ENTHD1: variants seen among roughly 807,000 people sequenced by gnomAD.
ENTHD1 encodes ENTH domain containing 1.
ENTHD1 carries 23 observed loss-of-function variants against 39.1 expected under a neutral mutation model. The observed-to-expected ratio is 0.59, with a 90% confidence interval of 0.42 to 0.83. The LOEUF (loss-of-function observed/expected upper bound fraction) is 0.83. Ranked by LOEUF, ENTHD1 falls within the 40% of genes least tolerant of loss-of-function variation. The probability of loss-of-function intolerance (pLI) is 0.00; values close to 1 mark genes in which losing one functional copy is unlikely to be tolerated. For synonymous variants in ENTHD1, 230 were observed against 258.2 expected (o/e 0.89, Z 1.05); for missense variants, 624 against 705.4 (o/e 0.88, Z 1.31).
At chr22:39,861,026 T>C (rs1435251170) in intron 3 of ENTHD1, among the ~76,000 whole-genome samples, 1 of 152,220 alleles carries the variant, frequency 6.6e-6, no homozygotes, top group Non-Finnish European at 1.5e-5. Flanking sequence ...AAGCATACTT[T>C]AGAAAATTTC....
intron 5 of ENTHD1, among the ~76,000 whole-genome samples, chr22:39,809,672 A>G (rs188268976): frequency 5.5e-4 from 84 of 152,268 alleles, no homozygotes; most frequent in African/African-American, 2.0e-3. Context: ...TAAAAAGCAT[A>G]CTTTGATGGG....
chr22:39,891,927 A>G (rs549746470), intron 1 of ENTHD1, among the ~76,000 whole-genome samples: 18 of 152,070 alleles, frequency 1.2e-4, no homozygotes, highest in South Asian at 2.1e-4. Context: ...GCCTCAAAAA[A>G]AATTTTTTTT....
chr22:39,780,878 A>T (rs2065404175), intron 5 of ENTHD1, among the ~76,000 whole-genome samples: 1 of 152,124 alleles, frequency 6.6e-6, no homozygotes, highest in South Asian at 2.1e-4. Flanking sequence ...GGGCACCCGT[A>T]GTCCCAGCTA....
intron 2 of ENTHD1, among the ~76,000 whole-genome samples, chr22:39,865,159 C>G (rs938409683): frequency 2.6e-5 from 4 of 151,932 alleles, no homozygotes; most frequent in African/African-American, 9.7e-5. Context: ...TTGAGGACAG[C>G]TGCAATAGTT....
At chr22:39,799,924 G>C (rs1480975734) in intron 5 of ENTHD1, among the ~76,000 whole-genome samples, 1 of 152,216 alleles carries the variant, frequency 6.6e-6, no homozygotes, top group Non-Finnish European at 1.5e-5. Flanking sequence ...TGCAGGGGCT[G>C]TTAGGTCCCA....
chr22:39,745,613 G>T lies in ENTHD1; in HGVS notation c.1220-1330C>A, dbSNP rs187690908. On this transcript the variant is annotated intron_variant, in intron 6 of 6. Coordinates refer to ENST00000325157, the MANE Select transcript of ENTHD1 (RefSeq NM_152512.4). ...GAAAGCAGGAACTTCATCAGCACAT[G>T]GTCAAGAAAAGCCAAGAACAGTTAG... is the stretch of plus-strand genomic sequence containing the variant. Among the ~76,000 whole-genome samples the T allele has an allele frequency of 4.9e-4, 75 of 152,258 alleles. No individual in the cohort carries two copies. The Middle Eastern group carries it at 0.024, about 48-fold the overall frequency.
intron 2 of ENTHD1, chr22:39,875,482 G>T: frequency 6.4e-7 from 1 of 1,562,730 alleles, no homozygotes; most frequent in Non-Finnish European, 8.6e-7. Flanking sequence ...GCCGGCCTTT[G>T]GTCGCCTCCG....
At chr22:39,856,547 T>C (rs1313946585) in intron 3 of ENTHD1, among the ~76,000 whole-genome samples, 1 of 152,152 alleles carries the variant, frequency 6.6e-6, no homozygotes, top group Admixed American at 6.5e-5. Context: ...AGATTTTACA[T>C]CCAAACATTC....
At chr22:39,842,854 A>G (rs1045427196) in intron 3 of ENTHD1, among the ~76,000 whole-genome samples, 24 of 148,700 alleles carry the variant, frequency 1.6e-4, no homozygotes, top group Non-Finnish European at 2.7e-4. Context: ...AAAACACATG[A>G]AAAAATGCTC....
intron 5 of ENTHD1, 22 bp from the exon 6 acceptor site, chr22:39,765,631 C>T: frequency 1.9e-6 from 3 of 1,553,052 alleles, no homozygotes; most frequent in Non-Finnish European, 2.6e-6. Flanking sequence ...CAAATAAGAG[C>T]TATAATCAAA....
chr22:39,833,941 CA>C lies in ENTHD1; in HGVS notation c.711+1898del, dbSNP rs59299623. On this transcript the variant is annotated intron_variant, in intron 4 of 6. Coordinates refer to ENST00000325157, the MANE Select transcript of ENTHD1 (RefSeq NM_152512.4). ...GTTGAAACAACTGGATATACTTGGGCAAAAAAAAAAAAAAAAAAAAAAATTA... is the reference window on the plus strand; with the variant it reads ...GTTGAAACAACTGGATATACTTGGGCAAAAAAAAAAAAAAAAAAAAAATTA... 3.8e-3 allele frequency among the ~76,000 whole-genome samples: 453 copies of C among 117,910 alleles called. 4 individuals carry two copies. Among genetic ancestry groups the C allele is most frequent in the African/African-American group, 0.015 (418 of 27,074 alleles). 77.4% of individuals were successfully genotyped at this position (117,910 alleles called of 152,430 possible). A position where few individuals can be genotyped will look rare whatever the true frequency, so the allele number is the denominator to read the frequency against.
At chr22:39,746,219 C>T (rs1034414261) in intron 6 of ENTHD1, among the ~76,000 whole-genome samples, 1 of 152,138 alleles carries the variant, frequency 6.6e-6, no homozygotes, top group African/African-American at 2.4e-5. Flanking sequence ...CATCTTTCTG[C>T]TTTACTTCAA....
At chr22:39,862,967 G>A (rs1048007473) in intron 2 of ENTHD1, among the ~76,000 whole-genome samples, 6 of 152,028 alleles carry the variant, frequency 3.9e-5, no homozygotes, top group Non-Finnish European at 7.4e-5. Context: ...ATCGCCTTTC[G>A]GACCTTCTGT....
At chr22:39,840,199 T>C (rs1268447842) in intron 3 of ENTHD1, among the ~76,000 whole-genome samples, 2 of 152,322 alleles carry the variant, frequency 1.3e-5, no homozygotes, top group Middle Eastern at 3.4e-3. Context: ...CAGTGAAGAC[T>C]AGTATGTGAA....
chr22:39,793,732 A>G (rs933701834), intron 5 of ENTHD1, among the ~76,000 whole-genome samples: 4 of 152,164 alleles, frequency 2.6e-5, no homozygotes, highest in Admixed American at 6.5e-5. Context: ...TCTCCAGTGT[A>G]TATTCTTGGC....
chr22:39,842,345 T>G (rs1018057415), intron 3 of ENTHD1, among the ~76,000 whole-genome samples: 1 of 152,164 alleles, frequency 6.6e-6, no homozygotes, highest in African/African-American at 2.4e-5. Flanking sequence ...CCAACTTGGT[T>G]CCATTCTCCC....
intron 5 of ENTHD1, among the ~76,000 whole-genome samples, chr22:39,787,349 G>A (rs192998145): frequency 6.6e-6 from 1 of 152,226 alleles, no homozygotes; most frequent in Non-Finnish European, 1.5e-5. Context: ...TGGTCTCTAA[G>A]TATTCAAGTG....
chr22:39,865,033 A>C (rs762912428), intron 2 of ENTHD1, among the ~76,000 whole-genome samples: 17 of 152,234 alleles, frequency 1.1e-4, no homozygotes, highest in Non-Finnish European at 1.8e-4. Flanking sequence ...TAGCTGCCTA[A>C]GACAGTTGCT....
At chr22:39,786,733 T>C (rs2065462157) in intron 5 of ENTHD1, among the ~76,000 whole-genome samples, 1 of 152,156 alleles carries the variant, frequency 6.6e-6, no homozygotes, top group Non-Finnish European at 1.5e-5. Context: ...ACCACACTAC[T>C]CTCTGCTTCT....
Sources: allele counts gnomAD v4.1 joint callset (sites outside exome capture counted in the v4.1 genomes callset), GRCh38; gene constraint gnomAD v4.1.1; transcripts MANE v1.5; gene names NCBI Gene and HGNC (gene_info 2026-07-23, HGNC 2026-07-21).